ZNF197: variants seen among roughly 807,000 people sequenced by gnomAD.
The protein encoded by ZNF197 is zinc finger protein 197, also known as VHL-associated KRAB-A domain-containing protein.
In ZNF197, 14 loss-of-function variants were observed where a neutral mutation model predicts 27.4. The observed-to-expected ratio is 0.51, with a 90% CI of 0.34 to 0.80. The LOEUF is 0.80. Among genes scored for constraint, ZNF197 ranks in the 30% least tolerant of loss-of-function variants. The probability of loss-of-function intolerance (pLI) is 0.02; values close to 1 mark genes in which losing one functional copy is unlikely to be tolerated. For synonymous variants in ZNF197, 415 were observed against 420.0 expected, an observed-to-expected ratio of 0.99 and a Z score of 0.15; for missense variants, 1,090 against 1,222.6, an observed-to-expected ratio of 0.89 and a Z score of 1.62.
At position 44,641,324 on chromosome 3, in the gene ZNF197, A is replaced by C. The variant is rs566610658; in HGVS notation, c.770-576A>C. ...TGAATTTTAAAATTTCCATTTCTTA[A>C]TTTTAAACGGAGTAGGAGTTATATG... On this transcript the variant is annotated intron_variant, in intron 5 of 5. Coordinates refer to ENST00000344387, the MANE Select transcript of ZNF197 (RefSeq NM_006991.5). 5.3e-5 allele frequency among the ~76,000 whole-genome samples: 8 copies of C among 152,300 alleles called. No homozygotes were observed. The South Asian group carries it at 1.4e-3, about 28-fold the overall frequency.
In ZNF197 at chr3:44,631,110, G is replaced by T. The variant is rs1232730002; in HGVS notation, c.439G>T (p.Ala147Ser). The T allele has an allele frequency of 6.2e-7, 1 of 1,614,062 alleles. No homozygotes were observed. The highest frequency in any genetic ancestry group is 1.7e-5 in the Admixed American group (1 of 59,996). Residue 147 changes from alanine to serine, a missense_variant, in exon 3 of 6, where the codon GCC becomes TCC. Transcript: ENST00000344387. ...DQDTLQKVVS[A>S]PGTTLPPVLP... ...GGACACTCTCCAGAAGGTGGTGAGTGCCCCAGGAACAACACTTCCTCCTGT... is the reference window on the plus strand; with the variant it reads ...GGACACTCTCCAGAAGGTGGTGAGTTCCCCAGGAACAACACTTCCTCCTGT...
intron 1 of ZNF197, 112 bp from the exon 2 acceptor site, chr3:44,628,962 A>G: frequency 1.4e-6 from 1 of 700,458 alleles, no homozygotes; most frequent in Admixed American, 3.3e-5. Context: ...GGAACCTTGC[A>G]CTCACAAAGG....
chr3:44,631,992 C>A, intron 3 of ZNF197, 113 bp from the exon 4 acceptor site: 2 of 959,450 alleles, frequency 2.1e-6, no homozygotes, highest in Non-Finnish European at 3.3e-6. Context: ...TGAGCCACCA[C>A]GCCCTGCCTT....
Position 44,640,227 on chromosome 3 carries a change from A to G in ZNF197, c.770-1673A>G, listed in dbSNP as rs1412247953. 5.9e-5 allele frequency among the ~76,000 whole-genome samples: 9 copies of G among 152,234 alleles called. No homozygotes were observed. On this transcript the variant is annotated intron_variant, in intron 5 of 5. Coordinates refer to ENST00000344387, the MANE Select transcript of ZNF197 (RefSeq NM_006991.5). This position sits in a 1 kb window ranked among gnomAD's most constrained non-coding sequence, Gnocchi z 4.0. ...AAAATATTAAATAGTTTAACCAGCT[A>G]ATTAGCTACTGATACAAGAGTTGCT... is the stretch of plus-strand genomic sequence containing the variant.
intron 1 of ZNF197, among the ~76,000 whole-genome samples, chr3:44,626,181 A>G (rs1701651104): frequency 6.6e-6 from 1 of 152,208 alleles, no homozygotes; most frequent in East Asian, 1.9e-4. Flanking sequence ...TCAGTTACCA[A>G]GGACTACCAA....
rs1702988388 is a variant in ZNF197 at position 44,646,926 on chromosome 3, A to G, written c.*2706A>G. 6.1e-6 allele frequency: 1 copy of G among 163,442 alleles called. No homozygotes were observed. Among genetic ancestry groups the G allele is most frequent in the African/African-American group, 2.4e-5 (1 of 41,736 alleles). 10.1% of individuals were successfully genotyped at this position (163,442 alleles called of 1,614,324 possible). A position where few individuals can be genotyped will look rare whatever the true frequency, so the allele number is the denominator to read the frequency against. On this transcript the variant is annotated 3_prime_UTR_variant, in exon 6 of 6. Coordinates refer to ENST00000344387, the MANE Select transcript of ZNF197 (RefSeq NM_006991.5). Reference sequence around the variant, plus strand: ...TAAACCAACAACTTCAGGACCTAGGACTGAGCTAAGAAGGCTCAGATGACT... The same window carrying G: ...TAAACCAACAACTTCAGGACCTAGGGCTGAGCTAAGAAGGCTCAGATGACT...
intron 2 of ZNF197, among the ~76,000 whole-genome samples, chr3:44,630,409 A>G (rs1265266207): frequency 6.6e-6 from 1 of 152,138 alleles, no homozygotes; most frequent in Non-Finnish European, 1.5e-5. Context: ...TGTGTGTGAG[A>G]TTTCTTTTTG....
In ZNF197 at chr3:44,647,533, A is replaced by C. The variant is rs557805914; in HGVS notation, c.*3313A>C. The C allele has an allele frequency of 2.6e-5, 4 of 152,236 alleles. No homozygotes were observed. The highest frequency in any genetic ancestry group is 5.9e-5 in the Non-Finnish European group (4 of 68,036). 9.4% of individuals were successfully genotyped at this position (152,236 alleles called of 1,614,324 possible). Reference sequence around the variant, plus strand: ...ATAGCAGCTTTATTTGTAATGGTCGAAACCTGTAGGCAACCCATATATCCT... The same window carrying C: ...ATAGCAGCTTTATTTGTAATGGTCGCAACCTGTAGGCAACCCATATATCCT... On this transcript the variant is annotated 3_prime_UTR_variant, in exon 6 of 6. Transcript: ENST00000344387.
At chr3:44,634,937 C>T (rs566001324) in intron 5 of ZNF197, among the ~76,000 whole-genome samples, 1 of 150,314 alleles carries the variant, frequency 6.7e-6, no homozygotes, top group Non-Finnish European at 1.5e-5. Context: ...ACCTCCCACC[C>T]CAGCCTCCCA....
chr3:44,631,684 A>T (rs951278498), intron 3 of ZNF197, among the ~76,000 whole-genome samples: 1 of 147,456 alleles, frequency 6.8e-6, no homozygotes, highest in South Asian at 2.1e-4. Context: ...TACAGGTGTG[A>T]GCCACTGCAC....
At position 44,646,350 on chromosome 3, in the gene ZNF197, G is replaced by A; in HGVS notation, c.*2130G>A. Reference sequence around the variant, plus strand: ...ATGTACTTTAACAATGGAGAATGCTGTGATTTACCTCTTCACCGAGTAACA... The same window carrying A: ...ATGTACTTTAACAATGGAGAATGCTATGATTTACCTCTTCACCGAGTAACA... On this transcript the variant is annotated 3_prime_UTR_variant, in exon 6 of 6. Transcript: ENST00000344387. 6.7e-7 allele frequency: 1 copy of A among 1,502,380 alleles called. No individual in the cohort carries two copies. Among genetic ancestry groups the A allele is most frequent in the South Asian group, 1.4e-5 (1 of 72,736 alleles). 93.1% of individuals were successfully genotyped at this position (1,502,380 alleles called of 1,614,324 possible).
rs752893463 is a variant in ZNF197 at position 44,629,111 on chromosome 3, T to A, written c.-44T>A. 3.1e-5 allele frequency: 48 copies of A among 1,554,362 alleles called. No homozygotes were observed. The Admixed American group carries it at 9.8e-4, about 32-fold the overall frequency. On this transcript the variant is annotated 5_prime_UTR_variant, in exon 2 of 6. Coordinates refer to ENST00000344387, the MANE Select transcript of ZNF197 (RefSeq NM_006991.5). ...AAGCTGTAAGGAAGAAGTCAAGGAT[T>A]AAGGAGACCTGGACTGGAGAGGAGC... is the stretch of plus-strand genomic sequence containing the variant.
rs570551879 is a variant in ZNF197, at chr3:44,646,304, T to C, written c.*2084T>C. On this transcript the variant is annotated 3_prime_UTR_variant, in exon 6 of 6. Coordinates refer to ENST00000344387, the MANE Select transcript of ZNF197 (RefSeq NM_006991.5). ...CAGGTTGTTGAATCATCCCAGCTTA[T>C]ATAATAATTACAAAGGACATATGTA... is the stretch of plus-strand genomic sequence containing the variant. The C allele has an allele frequency of 1.0e-6, 1 of 985,442 alleles. No homozygotes were observed. The highest frequency in any genetic ancestry group is 1.1e-4 in the East Asian group (1 of 8,816). 61.0% of individuals were successfully genotyped at this position (985,442 alleles called of 1,614,324 possible). A position where few individuals can be genotyped will look rare whatever the true frequency, so the allele number is the denominator to read the frequency against.
At chr3:44,630,861 T>C (rs1394403525) in intron 2 of ZNF197, 3 of 727,848 alleles carry the variant, frequency 4.1e-6, no homozygotes, top group Non-Finnish European at 7.3e-6. Context: ...CTGGGAGAGG[T>C]CACCAGTGCC....
At chr3:44,630,166 A>C (rs1378061192) in intron 2 of ZNF197, among the ~76,000 whole-genome samples, 2 of 152,226 alleles carry the variant, frequency 1.3e-5, no homozygotes, top group East Asian at 3.8e-4. Flanking sequence ...GCAGTGAGCT[A>C]TGATTACACC....
chr3:44,633,921 A>G (rs1483106100), intron 5 of ZNF197, among the ~76,000 whole-genome samples: 1 of 152,182 alleles, frequency 6.6e-6, no homozygotes, highest in Admixed American at 6.5e-5. Context: ...TTATTTTATT[A>G]TCTTTAATAA....
rs1313800175 is a variant in ZNF197, at chr3:44,629,529, T to C, written c.375T>C (p.Asp125=). 1 of 1,564,968 alleles carries C rather than the reference T, an allele frequency of 6.4e-7. No individual in the cohort carries two copies. The highest frequency in any genetic ancestry group is 8.6e-7 in the Non-Finnish European group (1 of 1,158,238). Residue 125 remains aspartate, a synonymous_variant, in exon 2 of 6, where the codon GAT becomes GAC. Transcript: ENST00000344387. ...TAGAGGAGCTGCAGAAAGACCTTGA[T>C]GGACCAGCAATACAAGTGAGAAAGA... ...ALVEELQKDL[D]GPAIQVPVLV... is the part of the protein sequence containing the mutation.
chr3:44,634,239 C>T (rs1053513553), intron 5 of ZNF197, among the ~76,000 whole-genome samples: 1 of 152,072 alleles, frequency 6.6e-6, no homozygotes, highest in Non-Finnish European at 1.5e-5. Context: ...GTTTATTGGT[C>T]ATTTTACTCC....
intron 5 of ZNF197, among the ~76,000 whole-genome samples, chr3:44,637,564 A>G (rs1319608388): frequency 6.6e-6 from 1 of 151,718 alleles, no homozygotes; most frequent in Non-Finnish European, 1.5e-5. Context: ...GGCCGGGAAG[A>G]TTTATGTCTA....
Sources: allele counts gnomAD v4.1 joint callset (sites outside exome capture counted in the v4.1 genomes callset), GRCh38; gene constraint gnomAD v4.1.1; non-coding constraint Gnocchi (gnomAD v3.1); transcripts MANE v1.5; gene names NCBI Gene and HGNC (gene_info 2026-07-23, HGNC 2026-07-21).